Variants in ANO3 observed in about 807,000 individuals in gnomAD.
The protein encoded by ANO3 is anoctamin 3, also known as anoctamin-3.
A neutral mutation model predicts 144.8 loss-of-function variants in ANO3; 99 were observed. The observed-to-expected ratio is 0.68, with a 90% confidence interval of 0.58 to 0.81. The LOEUF is 0.81. Ranked by LOEUF, ANO3 falls within the 30% of genes least tolerant of loss-of-function variation. ANO3 has a pLI of 0.00. For synonymous variants in ANO3, 414 were observed against 392.6 expected, an observed-to-expected ratio of 1.05 and a Z score of -0.64; for missense variants, 905 against 1,202.2, an observed-to-expected ratio of 0.75 and a Z score of 3.66.
chr11:26,199,877 T>C (rs1446727618), intron 1 of ANO3, among the ~76,000 whole-genome samples: 6 of 152,220 alleles, frequency 3.9e-5, no homozygotes, highest in Non-Finnish European at 8.8e-5. Flanking sequence ...TCTTTCTCAA[T>C]TGTAATGTTA....
At position 26,463,056 on chromosome 11, in the gene ANO3, G is replaced by C. The variant is rs868398613; in HGVS notation, c.340G>C (p.Asp114His). Residue 114 changes from aspartate (D) to histidine (H), a missense_variant, in exon 4 of 27, where the codon GAT becomes CAT. Around this residue, in one of 4 missense-constraint regions of ANO3, gnomAD observed 174 missense variants for 171.9 expected, o/e 1.01. Coordinates refer to ENST00000256737, the MANE Select transcript of ANO3 (RefSeq NM_031418.4). Reference protein sequence around the residue: ...LALGKDKDYTDESEHATYDRS... With the variant: ...LALGKDKDYTHESEHATYDRS... ...CCTAGGAAAAGATAAGGATTACACG[G>C]ATGAATCAGAACACGCTACTTATGA... The C allele has an allele frequency of 6.3e-7, 1 of 1,589,438 alleles. No homozygotes were observed. Among genetic ancestry groups the C allele is most frequent in the Non-Finnish European group, 8.6e-7 (1 of 1,166,792 alleles).
chr11:26,530,586 C>T (rs148683891), intron 7 of ANO3, among the ~76,000 whole-genome samples: 3,020 of 150,710 alleles, frequency 0.02, 137 homozygotes, highest in East Asian at 0.13. Context: ...TCTGGCCGGG[C>T]GCAGTGGCTC....
At chr11:26,261,236 A>T (rs1382286838) in intron 1 of ANO3, among the ~76,000 whole-genome samples, 3 of 152,072 alleles carry the variant, frequency 2.0e-5, no homozygotes, top group Non-Finnish European at 2.9e-5. Flanking sequence ...TCCATAAAAA[A>T]TTACATGACT....
At chr11:26,514,010 T>C (rs1459543094) in intron 5 of ANO3, among the ~76,000 whole-genome samples, 2 of 151,978 alleles carry the variant, frequency 1.3e-5, no homozygotes, top group African/African-American at 2.4e-5. Flanking sequence ...AGTAAAAGTA[T>C]AGGCATAGAA....
intron 1 of ANO3, among the ~76,000 whole-genome samples, chr11:26,212,750 T>C (rs924042163): frequency 2.9e-4 from 44 of 151,744 alleles, no homozygotes; most frequent in African/African-American, 9.9e-4. Flanking sequence ...TTCTAAACAA[T>C]AGAAAAAGAG....
chr11:26,355,969 T>G (rs187593830), intron 1 of ANO3, among the ~76,000 whole-genome samples: 195 of 152,292 alleles, frequency 1.3e-3, no homozygotes, highest in African/African-American at 3.9e-3. Flanking sequence ...TATCCTTTGG[T>G]TGTAGGAGGT....
At chr11:26,259,219 T>A (rs12270830) in intron 1 of ANO3, among the ~76,000 whole-genome samples, 9,527 of 152,194 alleles carry the variant, frequency 0.063, 310 homozygotes, top group African/African-American at 0.073. Context: ...TAGAAATAGA[T>A]TGAATAGATT....
rs11029380 is a variant in ANO3, at chr11:26,195,290, T to C, written c.154+5960T>C. On this transcript the variant is annotated intron_variant, in intron 1 of 27. Coordinates refer to the ANO3 transcript ENST00000672621. ...GTATTAGCAACATGCAACAGTGTTC[T>C]GAAGATATCAGGAGTCCTTGTAAAG... Among the ~76,000 whole-genome samples the C allele has an allele frequency of 1.2e-3, 178 of 152,320 alleles. 2 individuals are homozygous for C. The East Asian group carries it at 0.026, about 23-fold the overall frequency.
intron 1 of ANO3, among the ~76,000 whole-genome samples, chr11:26,194,439 G>GT (rs1851538720): frequency 3.3e-5 from 2 of 60,612 alleles, no homozygotes; most frequent in Non-Finnish European, 7.0e-5. Context: ...GGTACATAGT[G>GT]GTGTGTGTGT....
At chr11:26,469,412 A>T (rs1859704203) in intron 4 of ANO3, among the ~76,000 whole-genome samples, 1 of 151,986 alleles carries the variant, frequency 6.6e-6, no homozygotes, top group African/African-American at 2.4e-5. Context: ...TTAATCATTT[A>T]AAAACATTCA....
chr11:26,642,080 C>T, intron 22 of ANO3, 51 bp downstream of exon 22: 13 of 1,580,396 alleles, frequency 8.2e-6, no homozygotes, highest in Non-Finnish European at 1.1e-5. Flanking sequence ...TACAATTTTT[C>T]TACTTCACAG....
chr11:26,588,176 C>A (rs1851343470), intron 14 of ANO3, among the ~76,000 whole-genome samples: 1 of 152,116 alleles, frequency 6.6e-6, no homozygotes, highest in African/African-American at 2.4e-5. Flanking sequence ...GATTACAATG[C>A]CTCAAGAGTT....
chr11:26,208,612 C>T (rs1252291691), intron 1 of ANO3, among the ~76,000 whole-genome samples: 1 of 151,928 alleles, frequency 6.6e-6, no homozygotes, highest in East Asian at 1.9e-4. Flanking sequence ...AGAATGGAGG[C>T]TCTCCAAAGA....
At chr11:26,546,448 ATCT>A (rs1171169721) in intron 11 of ANO3, among the ~76,000 whole-genome samples, 5 of 152,000 alleles carry the variant, frequency 3.3e-5, no homozygotes, top group Non-Finnish European at 7.4e-5. Flanking sequence ...TGACAAGAGA[ATCT>A]TCTTCTTATC....
intron 1 of ANO3, among the ~76,000 whole-genome samples, chr11:26,383,888 CTTTTTTTTTTTT>C (rs61094091): frequency 1.4e-5 from 1 of 70,148 alleles, no homozygotes; most frequent in South Asian, 8.3e-4. Flanking sequence ...ATGCATTGTT[CTTTTTTTTTTTT>C]TTTTTTTTTT....
chr11:26,501,070 GA>G (rs1216863697), intron 4 of ANO3, among the ~76,000 whole-genome samples: 1 of 152,116 alleles, frequency 6.6e-6, no homozygotes, highest in East Asian at 1.9e-4. Flanking sequence ...AGAAAGTAAT[GA>G]AAAACATTCC....
At chr11:26,635,713 G>A (rs1206570506) in intron 20 of ANO3, among the ~76,000 whole-genome samples, 1 of 152,082 alleles carries the variant, frequency 6.6e-6, no homozygotes, top group Non-Finnish European at 1.5e-5. Context: ...GAATGAGATG[G>A]ATAATATTTT....
intron 23 of ANO3, among the ~76,000 whole-genome samples, chr11:26,646,748 G>A (rs996437880): frequency 5.9e-5 from 9 of 151,798 alleles, no homozygotes; most frequent in Non-Finnish European, 8.8e-5. Flanking sequence ...TTGTATACTA[G>A]GCATGTTAAC....
intron 7 of ANO3, among the ~76,000 whole-genome samples, chr11:26,530,732 G>A (rs1335163393): frequency 1.3e-5 from 2 of 152,048 alleles, no homozygotes; most frequent in South Asian, 4.2e-4. Flanking sequence ...AGCTGGACTT[G>A]GTGGCTCGCG....
Sources: allele counts gnomAD v4.1 joint callset (sites outside exome capture counted in the v4.1 genomes callset), GRCh38; gene constraint gnomAD v4.1.1; regional missense constraint gnomAD v4.1.1; transcripts MANE v1.5; gene names NCBI Gene and HGNC (gene_info 2026-07-23, HGNC 2026-07-21).